COL5A2: variants seen among roughly 807,000 people sequenced by gnomAD.
The protein encoded by COL5A2 is collagen alpha-2(V) chain.
In COL5A2, 23 loss-of-function variants were observed where a neutral mutation model predicts 208.2. That is an observed-to-expected ratio of 0.11 (90% CI 0.08 to 0.16). The LOEUF (loss-of-function observed/expected upper bound fraction) is 0.16, where lower values mean the gene tolerates loss of function less well. COL5A2 is among the 10% of genes least tolerant of loss of function. The pLI is 1.00. For synonymous variants in COL5A2, 625 were observed against 628.5 expected, an observed-to-expected ratio of 0.99 and a Z score of 0.08; for missense variants, 1,590 against 1,956.4, an observed-to-expected ratio of 0.81 and a Z score of 3.53.
At chr2:189,389,736 C>T in the COL5A2 span, among the ~76,000 whole-genome samples, 1 of 152,160 alleles carries the variant, frequency 6.6e-6, no homozygotes, top group Non-Finnish European at 1.5e-5. Flanking sequence ...CACATCTCAT[C>T]ACATAACATG....
chr2:189,418,888 G>A, the COL5A2 span, among the ~76,000 whole-genome samples: 1 of 152,146 alleles, frequency 6.6e-6, no homozygotes, highest in Non-Finnish European at 1.5e-5. Flanking sequence ...AATTGGGGGA[G>A]TAAATTTAGG....
At chr2:189,049,545 G>T (rs1484601705) in intron 43 of COL5A2, 91 bp from the exon 44 acceptor site, 1 of 915,310 alleles carries the variant, frequency 1.1e-6, no homozygotes, top group Non-Finnish European at 1.7e-6. Context: ...GGTGCCTCTG[G>T]GCTCCTTCTA....
At chr2:189,249,685 C>G in the COL5A2 span, among the ~76,000 whole-genome samples, 11 of 152,102 alleles carry the variant, frequency 7.2e-5, no homozygotes, top group Non-Finnish European at 1.6e-4. Context: ...GTGTAGTTAT[C>G]TGTGTTTTTG....
the COL5A2 span, among the ~76,000 whole-genome samples, chr2:189,310,577 C>T: frequency 1.1e-4 from 16 of 149,650 alleles, no homozygotes; most frequent in African/African-American, 4.1e-4. Context: ...GTTGGGTACA[C>T]ACATCCAAAA....
chr2:189,189,375 A>C (rs1173566483), intron 1 of COL5A2, among the ~76,000 whole-genome samples: 16 of 152,218 alleles, frequency 1.1e-4, no homozygotes. Flanking sequence ...ACTTTAATAA[A>C]CATTATGAAG....
chr2:189,173,096 G>A (rs6714088), intron 1 of COL5A2, among the ~76,000 whole-genome samples: 88,443 of 150,140 alleles, frequency 0.59, 27,271 homozygotes, highest in East Asian at 0.73. Flanking sequence ...TCAGCCTCCC[G>A]AGTAGCTTGA....
rs147962132 is a variant in COL5A2, at chr2:189,208,994, C to T, written c.-42+16154G>A. Among the ~76,000 whole-genome samples the T allele has an allele frequency of 9.8e-4, 150 of 152,310 alleles. 1 individual carries two copies. The highest frequency in any genetic ancestry group is 3.3e-3 in the African/African-American group (137 of 41,566). On this transcript the variant is annotated intron_variant, in intron 1 of 10. Coordinates refer to the COL5A2 transcript ENST00000649966. ...CACAACTGGCCTCATCTGGCCCCCT[C>T]GGAGGTACTAGTAGCATGCAGGCAG...
At chr2:189,239,185 G>A in the COL5A2 span, among the ~76,000 whole-genome samples, 2 of 151,746 alleles carry the variant, frequency 1.3e-5, no homozygotes, top group African/African-American at 4.8e-5. Context: ...CAGAACTTCT[G>A]ATTTTTTAAA....
the COL5A2 span, among the ~76,000 whole-genome samples, chr2:189,261,628 T>C: frequency 0.032 from 4,940 of 152,290 alleles, 84 homozygotes; most frequent in Admixed American, 0.047. Flanking sequence ...TTATTTGGCT[T>C]CATGACCCAG....
the COL5A2 span, among the ~76,000 whole-genome samples, chr2:189,246,460 G>A: frequency 5.4e-3 from 828 of 152,302 alleles, 7 homozygotes; most frequent in African/African-American, 0.019. Flanking sequence ...CCTAAAGAAT[G>A]TCTGAGAATA....
the COL5A2 span, among the ~76,000 whole-genome samples, chr2:189,346,042 C>T: frequency 6.6e-6 from 1 of 152,162 alleles, no homozygotes; most frequent in East Asian, 1.9e-4. Flanking sequence ...CAGCATAGTA[C>T]ATTAATATAA....
chr2:189,134,136 C>T (rs950675914), intron 1 of COL5A2, among the ~76,000 whole-genome samples: 1 of 152,130 alleles, frequency 6.6e-6, no homozygotes, highest in African/African-American at 2.4e-5. Context: ...TATACTTGCC[C>T]TCCATTCTGT....
the COL5A2 span, among the ~76,000 whole-genome samples, chr2:189,282,307 T>A: frequency 2.6e-5 from 4 of 152,170 alleles, no homozygotes; most frequent in Admixed American, 1.3e-4. Flanking sequence ...AGCATTTTAT[T>A]CAGCTCTAGA....
At chr2:189,284,646 C>T in the COL5A2 span, among the ~76,000 whole-genome samples, 2 of 152,060 alleles carry the variant, frequency 1.3e-5, no homozygotes, top group African/African-American at 4.8e-5. Context: ...TGGGTGGGGA[C>T]ACAGAGACAA....
chr2:189,242,269 T>C, the COL5A2 span, among the ~76,000 whole-genome samples: 1 of 152,230 alleles, frequency 6.6e-6, no homozygotes, highest in East Asian at 1.9e-4. Context: ...GTAGCTTCTA[T>C]ACATAAAACA....
At chr2:189,048,319 T>C (rs1685713761) in intron 44 of COL5A2, 57 bp from the exon 45 acceptor site, 1 of 1,505,654 alleles carries the variant, frequency 6.6e-7, no homozygotes, top group Non-Finnish European at 9.2e-7. Context: ...AAAATCCTCA[T>C]TCCAATTGTC....
In COL5A2 at chr2:189,043,102, C is replaced by T. The variant is rs1576488909; in HGVS notation, c.3471+49G>A. 1.7e-5 allele frequency: 22 copies of T among 1,307,596 alleles called. No individual in the cohort carries two copies. In the East Asian group the frequency reaches 2.6e-4, roughly 15 times the overall value. The allele number at this position is 1,307,596 out of a possible 1,614,324, so 81.0% of individuals were successfully genotyped here. On this transcript the variant is annotated intron_variant, in intron 48 of 53. Transcript: ENST00000374866. The stretch of plus-strand genomic sequence containing the variant: ...AGATAAATGTTCGTGTCAAGATACC[C>T]GTGTATTTTCAACTACAGGGCAGAA...
chr2:189,324,294 C>T, the COL5A2 span, among the ~76,000 whole-genome samples: 1 of 152,286 alleles, frequency 6.6e-6, no homozygotes, highest in South Asian at 2.1e-4. Context: ...GCAATGGCAA[C>T]AGAAGCCAAA....
the COL5A2 span, among the ~76,000 whole-genome samples, chr2:189,419,982 A>AGAGGAGGAGGAGAGGAGAGAG: frequency 5.1e-5 from 7 of 137,672 alleles, no homozygotes; most frequent in African/African-American, 1.9e-4. Context: ...GAGAGGAGGA[A>AGAGGAGGAGGAGAGGAGAGAG]GAGGAGGAGG....
Sources: allele counts gnomAD v4.1 joint callset (sites outside exome capture counted in the v4.1 genomes callset), GRCh38; gene constraint gnomAD v4.1.1; transcripts MANE v1.5; gene names NCBI Gene and HGNC (gene_info 2026-07-23, HGNC 2026-07-21).